The following ADGRB3 variants were observed in gnomAD, a reference collection of about 807,000 sequenced individuals.
ADGRB3 encodes adhesion G protein-coupled receptor B3.
In ADGRB3, 37 loss-of-function variants were observed where a neutral mutation model predicts 193.4. The ratio of observed to expected loss-of-function variants is 0.19; its 90% CI spans 0.15 to 0.25. ADGRB3 has a LOEUF of 0.25. Ranked by LOEUF, ADGRB3 falls within the 10% of genes least tolerant of loss-of-function variation. The pLI, the probability that ADGRB3 is intolerant of heterozygous loss-of-function variation, is 1.00. For missense variants in ADGRB3, 1,637 were observed against 1,852.9 expected, an observed-to-expected ratio of 0.88 and a Z score of 2.14; for synonymous variants, 690 against 644.2, an observed-to-expected ratio of 1.07 and a Z score of -1.08.
intron 17 of ADGRB3, among the ~76,000 whole-genome samples, chr6:69,123,633 G>A (rs1773777731): frequency 6.6e-6 from 1 of 152,112 alleles, no homozygotes; most frequent in Non-Finnish European, 1.5e-5. Context: ...TAAGAATAAG[G>A]CAATTTTATA....
At chr6:68,771,279 T>C (rs756469776) in intron 3 of ADGRB3, among the ~76,000 whole-genome samples, 3 of 151,864 alleles carry the variant, frequency 2.0e-5, no homozygotes, top group Non-Finnish European at 4.4e-5. Flanking sequence ...AAGGGAACAA[T>C]AATAAAAATT....
intron 13 of ADGRB3, among the ~76,000 whole-genome samples, chr6:69,025,395 T>A (rs529218286): frequency 1.3e-5 from 2 of 152,338 alleles, no homozygotes; most frequent in Non-Finnish European, 2.9e-5. Flanking sequence ...CTTTCTAGGC[T>A]TTATTTTCCT....
At chr6:69,215,615 T>G (rs1201765564) in intron 17 of ADGRB3, among the ~76,000 whole-genome samples, 1 of 152,046 alleles carries the variant, frequency 6.6e-6, no homozygotes, top group African/African-American at 2.4e-5. Context: ...TAAAGAATTA[T>G]AAGACCTATA....
At chr6:69,135,014 A>C (rs981690591) in intron 17 of ADGRB3, among the ~76,000 whole-genome samples, 3 of 152,068 alleles carry the variant, frequency 2.0e-5, no homozygotes, top group Non-Finnish European at 4.4e-5. Flanking sequence ...CTGGAAATAT[A>C]ATGTATTTTC....
chr6:68,877,846 G>A (rs527397132), intron 3 of ADGRB3, among the ~76,000 whole-genome samples: 5 of 152,100 alleles, frequency 3.3e-5, no homozygotes, highest in Non-Finnish European at 2.9e-5. Flanking sequence ...ATAACTGACC[G>A]ATTAGTCTGA....
At chr6:69,185,331 A>G (rs1472139350) in intron 17 of ADGRB3, among the ~76,000 whole-genome samples, 2 of 152,274 alleles carry the variant, frequency 1.3e-5, no homozygotes, top group East Asian at 1.9e-4. Context: ...TTACTGATCT[A>G]TTGATTAACA....
chr6:69,279,093 A>G lies in ADGRB3; in HGVS notation c.2814+39867A>G, dbSNP rs551385024. Among the ~76,000 whole-genome samples, 177 of 129,304 alleles carry G rather than the reference A, an allele frequency of 1.4e-3. 5 individuals carry two copies. Among genetic ancestry groups the G allele is most frequent in the African/African-American group, 2.8e-3 (101 of 36,568 alleles). 84.8% of individuals were successfully genotyped at this position (129,304 alleles called of 152,430 possible). A position where few individuals can be genotyped will look rare whatever the true frequency, so the allele number is the denominator to read the frequency against. ...TATGTATATATATATATATATATAT[A>G]TATATATATATATATATATATATAT... is the stretch of plus-strand genomic sequence containing the variant. On this transcript the variant is annotated intron_variant, in intron 20 of 31. Transcript: ENST00000370598.
At chr6:69,004,328 C>G (rs913676723) in intron 11 of ADGRB3, among the ~76,000 whole-genome samples, 3 of 151,866 alleles carry the variant, frequency 2.0e-5, no homozygotes, top group African/African-American at 7.3e-5. Flanking sequence ...CCTTCTCTCT[C>G]TGTCTTTTAC....
intron 3 of ADGRB3, among the ~76,000 whole-genome samples, chr6:68,772,892 A>ATATATATAT (rs1293211041): frequency 9.8e-5 from 3 of 30,546 alleles, no homozygotes; most frequent in African/African-American, 1.6e-4. Flanking sequence ...CAAAAAAAAA[A>ATATATATAT]AAATATATAT....
intron 3 of ADGRB3, among the ~76,000 whole-genome samples, chr6:68,730,727 G>A (rs1465226332): frequency 6.6e-6 from 1 of 151,620 alleles, no homozygotes; most frequent in African/African-American, 2.4e-5. Context: ...CAACAACTCA[G>A]TTATAAAGAG....
chr6:68,953,725 T>C (rs1403955460), intron 6 of ADGRB3, among the ~76,000 whole-genome samples: 2 of 152,228 alleles, frequency 1.3e-5, no homozygotes, highest in African/African-American at 4.8e-5. Context: ...TTTAATCTCA[T>C]AAAGGGTTTA....
chr6:69,103,996 TTTTG>T (rs1338508977), intron 17 of ADGRB3, among the ~76,000 whole-genome samples: 12 of 152,084 alleles, frequency 7.9e-5, no homozygotes, highest in Admixed American at 7.9e-4. Flanking sequence ...AAGTTGGAAT[TTTTG>T]TTTGTATCGT....
At chr6:69,095,820 C>A (rs1289065853) in intron 17 of ADGRB3, among the ~76,000 whole-genome samples, 2 of 152,174 alleles carry the variant, frequency 1.3e-5, no homozygotes, top group Non-Finnish European at 1.5e-5. Flanking sequence ...CGTGCACACA[C>A]ACACACACAA....
chr6:69,177,509 A>G (rs1775460329), intron 17 of ADGRB3, among the ~76,000 whole-genome samples: 1 of 152,074 alleles, frequency 6.6e-6, no homozygotes, highest in Non-Finnish European at 1.5e-5. Flanking sequence ...GGTGCCTGCC[A>G]CCATGCCTGG....
intron 3 of ADGRB3, among the ~76,000 whole-genome samples, chr6:68,899,457 ACAGTCCC>A (rs1380007385): frequency 9.7e-6 from 1 of 102,646 alleles, no homozygotes. Context: ...CCACCCCACA[ACAGTCCC>A]CAGAGTGTGA....
At chr6:69,307,229 C>A (rs560439445) in intron 20 of ADGRB3, among the ~76,000 whole-genome samples, 2 of 151,578 alleles carry the variant, frequency 1.3e-5, no homozygotes, top group East Asian at 3.9e-4. Flanking sequence ...ATGTCATTGT[C>A]TTCTATAAAG....
intron 11 of ADGRB3, among the ~76,000 whole-genome samples, chr6:69,004,706 A>G (rs752599109): frequency 6.6e-6 from 1 of 151,540 alleles, no homozygotes; most frequent in Non-Finnish European, 1.5e-5. Flanking sequence ...ACCCTGATTC[A>G]CTCTTTCTAA....
At position 69,049,260 on chromosome 6, in the gene ADGRB3, A is replaced by T. The variant is rs774214795; in HGVS notation, c.2258-11A>T. 1 of 1,572,846 alleles carries T rather than the reference A, an allele frequency of 6.4e-7. No individual in the cohort carries two copies. Among genetic ancestry groups the T allele is most frequent in the Non-Finnish European group, 8.7e-7 (1 of 1,149,912 alleles). On this transcript the variant is annotated splice_polypyrimidine_tract_variant and intron_variant, in intron 14 of 31. Coordinates refer to ENST00000370598, the MANE Select transcript of ADGRB3 (RefSeq NM_001704.3). ...GCTGTTTGCTAATACTTCAAAATTTATTCTTTCTAGAATTAGATGAATCAT... is the reference window on the plus strand; with the variant it reads ...GCTGTTTGCTAATACTTCAAAATTTTTTCTTTCTAGAATTAGATGAATCAT...
chr6:68,806,843 T>C (rs1276274749), intron 3 of ADGRB3, among the ~76,000 whole-genome samples: 1 of 152,138 alleles, frequency 6.6e-6, no homozygotes, highest in African/African-American at 2.4e-5. Flanking sequence ...TTTTAGAATA[T>C]ATTTACTTTG....
Sources: gnomAD v4.1 joint callset for allele counts (sites outside exome capture counted in the v4.1 genomes callset) on GRCh38, gnomAD v4.1.1 for gene constraint, MANE v1.5 for transcripts, NCBI Gene and HGNC (gene_info 2026-07-23, HGNC 2026-07-21) for gene names.